The following RPL26L1 variants were observed in gnomAD, a reference collection of about 807,000 sequenced individuals.
RPL26L1 encodes the protein ribosomal protein uL24-like.
RPL26L1 carries 8 observed loss-of-function variants against 15.2 expected under a neutral mutation model. That is an observed-to-expected ratio of 0.53 (90% confidence interval 0.31 to 0.95). RPL26L1 has a LOEUF of 0.95. Among genes scored for constraint, RPL26L1 ranks in the 40% least tolerant of loss-of-function variants. RPL26L1 has a pLI of 0.05. For synonymous variants in RPL26L1, 51 were observed against 65.9 expected (o/e 0.77, Z 1.09); for missense variants, 146 against 190.9 (o/e 0.76, Z 1.39).
chr5:172,969,482 C>A lies in RPL26L1; in HGVS notation c.379C>A (p.Gln127Lys). The A allele has an allele frequency of 6.2e-7, 1 of 1,613,672 alleles. No homozygotes were observed. Among genetic ancestry groups the A allele is most frequent in the Non-Finnish European group, 8.5e-7 (1 of 1,179,696 alleles). ...TCTTGAACGCAAAGCCAAGTCTCGA[C>A]AAGTTGGAAAAGAGAAAGGCAAATA... Reference protein sequence around the residue: ...KILERKAKSRQVGKEKGKYKE... With the variant: ...KILERKAKSRKVGKEKGKYKE... The change falls in exon 4 of 4, where the codon CAA becomes AAA. Residue 127 changes from glutamine (Q) to lysine (K), a missense_variant. By Grantham distance (53) the Gln-to-Lys change is moderately conservative. Coordinates refer to ENST00000265100, the MANE Select transcript of RPL26L1 (RefSeq NM_016093.4).
In RPL26L1 at chr5:172,962,689, G is replaced by A. The variant is rs1402401662; in HGVS notation, c.168+2648G>A. Among the ~76,000 whole-genome samples the A allele has an allele frequency of 3.3e-5, 5 of 150,714 alleles. No individual in the cohort carries two copies. In the East Asian group the frequency reaches 7.8e-4, roughly 24 times the overall value. On this transcript the variant is annotated intron_variant, in intron 2 of 3. Transcript: ENST00000265100. The stretch of plus-strand genomic sequence containing the variant: ...AAATTAGCTGAGCGTGGTGGTGGGC[G>A]CCTGTAGTCCCAACTACTTGGGAGG...
chr5:172,968,647 A>G, intron 3 of RPL26L1, 48 bp downstream of exon 3: 1 of 1,611,936 alleles, frequency 6.2e-7, no homozygotes, highest in Non-Finnish European at 8.5e-7. Context: ...GTGTGTCAAT[A>G]CTGTTCAAAG....
upstream of RPL26L1, chr5:172,955,120 C>A: frequency 2.9e-6 from 1 of 350,514 alleles, no homozygotes; most frequent in South Asian, 2.1e-5. Context: ...TAAATAGTAG[C>A]TGTGGTTAGT....
upstream of RPL26L1, chr5:172,958,217 T>C (rs1338228399): frequency 5.4e-6 from 2 of 369,120 alleles, no homozygotes; most frequent in African/African-American, 2.3e-5. Context: ...TGAGCCGAGA[T>C]GGTGCCACTG....
At chr5:172,959,681 A>C in intron 1 of RPL26L1, 184 bp from the exon 2 acceptor site, 5 of 1,072,188 alleles carry the variant, frequency 4.7e-6, no homozygotes, top group Non-Finnish European at 6.5e-6. Flanking sequence ...TGCGACCTCC[A>C]CACACGCCTC....
rs144008618 is a variant in RPL26L1 at position 172,959,927 on chromosome 5, C to T, written c.54C>T (p.His18=). The change falls in exon 2 of 4, where the codon CAC becomes CAT. Residue 18 remains histidine (H), a synonymous_variant. Transcript: ENST00000265100. ...ACCGCAGTAAAAACCGCAAACGTCA[C>T]TTCAATGCCCCCTCACACGTGCGCA... is the stretch of plus-strand genomic sequence containing the variant. The part of the protein sequence containing the change: ...TSDRSKNRKR[H]FNAPSHVRRK... The T allele has an allele frequency of 5.0e-6, 8 of 1,614,082 alleles. No homozygotes were observed. In the African/African-American group the frequency reaches 1.1e-4, roughly 22 times the overall value.
chr5:172,963,266 C>T (rs79001216), intron 2 of RPL26L1, among the ~76,000 whole-genome samples: 2 of 151,168 alleles, frequency 1.3e-5, no homozygotes, highest in East Asian at 3.9e-4. Context: ...CCCAAGTACT[C>T]GGGAGGCTGA....
upstream of RPL26L1, among the ~76,000 whole-genome samples, chr5:172,954,402 T>C (rs907815764): frequency 3.5e-5 from 5 of 144,824 alleles, no homozygotes; most frequent in African/African-American, 1.0e-4. Flanking sequence ...ACCCCGTCTC[T>C]ATAGAAAAAA....
chr5:172,959,532 G>C, intron 1 of RPL26L1, 64 bp downstream of exon 1: 1 of 1,116,290 alleles, frequency 9.0e-7, no homozygotes, highest in South Asian at 2.3e-5. Context: ...CCTGCCCTAT[G>C]TGTCGCGGGA....
rs1561759410 is a variant in RPL26L1 at position 172,968,528 on chromosome 5, A to G, written c.238A>G (p.Ile80Val). 6 of 1,614,166 alleles carry G rather than the reference A, an allele frequency of 3.7e-6. No homozygotes were observed. The highest frequency in any genetic ancestry group is 1.1e-5 in the South Asian group (1 of 91,086). ...VVQVYRKKYV[I>V]YIERVQREKA... ...CCAGGTGTACAGAAAGAAATATGTC[A>G]TCTACATCGAGCGGGTGCAGCGTGA... Residue 80 changes from isoleucine (I) to valine (V), a missense_variant, in exon 3 of 4, where the codon ATC becomes GTC. Ile to Val is a conservative substitution (Grantham distance 29, BLOSUM62 3). Coordinates refer to ENST00000265100, the MANE Select transcript of RPL26L1 (RefSeq NM_016093.4).
Position 172,959,465 on chromosome 5 carries a change from C to G in RPL26L1, c.-13C>G. On this transcript the variant is annotated 5_prime_UTR_variant, in exon 1 of 4. Transcript: ENST00000265100. ...ACTCAGGGTCTGAGGCAGCTAGTAG[C>G]CGGGTGAGTGGAGGCTGGAGTTTTC... 9.8e-7 allele frequency: 1 copy of G among 1,016,910 alleles called. No homozygotes were observed. 63.0% of individuals were successfully genotyped at this position (1,016,910 alleles called of 1,614,324 possible).
intron 2 of RPL26L1, among the ~76,000 whole-genome samples, chr5:172,961,036 AT>A (rs1205642505): frequency 6.6e-6 from 1 of 152,110 alleles, no homozygotes; most frequent in Non-Finnish European, 1.5e-5. Flanking sequence ...ATTTCCAGAT[AT>A]TGCCAAATGC....
intron 2 of RPL26L1, among the ~76,000 whole-genome samples, chr5:172,964,612 A>G (rs1755379813): frequency 6.6e-6 from 1 of 152,198 alleles, no homozygotes; most frequent in South Asian, 2.1e-4. Flanking sequence ...TGAATGCCTA[A>G]GAGGTATGAA....
chr5:172,961,382 A>G (rs1755230129), intron 2 of RPL26L1, among the ~76,000 whole-genome samples: 1 of 152,200 alleles, frequency 6.6e-6, no homozygotes. Context: ...AGCCTCACAT[A>G]TAAGATATAA....
At chr5:172,956,793 C>G (rs1754990577), upstream of RPL26L1, among the ~76,000 whole-genome samples, 1 of 151,978 alleles carries the variant, frequency 6.6e-6, no homozygotes, top group Admixed American at 6.6e-5. Context: ...CAAAAATTAG[C>G]CAGGCGTGGT....
chr5:172,961,918 G>A (rs1299514990), intron 2 of RPL26L1, among the ~76,000 whole-genome samples: 1 of 152,182 alleles, frequency 6.6e-6, no homozygotes, highest in African/African-American at 2.4e-5. Context: ...CTTCTTAAGA[G>A]TACTCTTGAT....
At chr5:172,956,892 T>G (rs1394895606), upstream of RPL26L1, 2 of 207,522 alleles carry the variant, frequency 9.6e-6, no homozygotes, top group African/African-American at 4.8e-5. Context: ...GAGCCAAAAC[T>G]GCACCACTGC....
chr5:172,968,319 AG>A (rs777365087), intron 2 of RPL26L1, 139 bp from the exon 3 acceptor site: 11 of 1,058,400 alleles, frequency 1.0e-5, no homozygotes, highest in Non-Finnish European at 1.5e-5. Context: ...ATATCAGAAA[AG>A]TAGCTAATTT....
upstream of RPL26L1, chr5:172,958,179 G>T: frequency 2.8e-6 from 1 of 356,314 alleles, no homozygotes; most frequent in Non-Finnish European, 5.6e-6. Context: ...CAGGAGAATC[G>T]CTTGAACTTG....
Sources: allele counts gnomAD v4.1 joint callset (sites outside exome capture counted in the v4.1 genomes callset), GRCh38; gene constraint gnomAD v4.1.1; transcripts MANE v1.5; gene names NCBI Gene and HGNC (gene_info 2026-07-23, HGNC 2026-07-21).